COBL: variants seen among roughly 807,000 people sequenced by gnomAD.
COBL encodes the protein cordon-bleu WH2 repeat protein, also known as protein cordon-bleu.
In COBL, 51 loss-of-function variants were observed where a neutral mutation model predicts 98.8. The ratio of observed to expected loss-of-function variants is 0.52; its 90% CI spans 0.41 to 0.65. The LOEUF (loss-of-function observed/expected upper bound fraction) is 0.65, where lower values mean the gene tolerates loss of function less well. Among genes scored for constraint, COBL ranks in the 30% least tolerant of loss-of-function variants. The probability of loss-of-function intolerance (pLI) is 0.00; values close to 1 mark genes in which losing one functional copy is unlikely to be tolerated. For missense variants in COBL, 1,617 were observed against 1,617.5 expected (o/e 1.00, Z 0.01); for synonymous variants, 634 against 651.7 (o/e 0.97, Z 0.41).
At chr7:51,046,334 T>C (rs1374901995) in intron 7 of COBL, among the ~76,000 whole-genome samples, 4 of 152,102 alleles carry the variant, frequency 2.6e-5, no homozygotes, top group Non-Finnish European at 4.4e-5. Context: ...TGGGGAACTT[T>C]CCAGAGAAGC....
chr7:51,293,309 G>A (rs547336732), intron 1 of COBL, among the ~76,000 whole-genome samples: 1 of 152,240 alleles, frequency 6.6e-6, no homozygotes, highest in Admixed American at 6.5e-5. Flanking sequence ...ATAAATGAAT[G>A]TTCATAATAG....
chr7:51,160,164 T>G (rs1786645779), intron 5 of COBL, among the ~76,000 whole-genome samples: 2 of 152,296 alleles, frequency 1.3e-5, no homozygotes. Context: ...AGTGCTGGGA[T>G]TACAGGCATG....
At chr7:51,184,000 A>C (rs936352013) in intron 5 of COBL, 102 bp downstream of exon 5, 4 of 558,152 alleles carry the variant, frequency 7.2e-6, no homozygotes, top group African/African-American at 2.0e-5. Flanking sequence ...GTATTCTTAA[A>C]TAGAATTGTT....
chr7:51,123,715 T>C (rs1797945511), intron 6 of COBL, among the ~76,000 whole-genome samples: 1 of 152,228 alleles, frequency 6.6e-6, no homozygotes, highest in South Asian at 2.1e-4. Context: ...GACTTCCCTG[T>C]CAATGACGAG....
At chr7:51,085,681 C>G (rs777121259) in intron 6 of COBL, among the ~76,000 whole-genome samples, 1 of 152,298 alleles carries the variant, frequency 6.6e-6, no homozygotes, top group African/African-American at 2.4e-5. Context: ...AGAACAATTC[C>G]TTCTGGAACA....
intron 7 of COBL, among the ~76,000 whole-genome samples, chr7:51,048,929 G>C (rs1425709445): frequency 1.3e-5 from 2 of 152,130 alleles, no homozygotes; most frequent in African/African-American, 4.8e-5. Context: ...GCAGGGTTTG[G>C]CATAAATTCA....
chr7:51,170,130 C>T (rs563407827), intron 5 of COBL, among the ~76,000 whole-genome samples: 2 of 152,194 alleles, frequency 1.3e-5, no homozygotes, highest in East Asian at 1.9e-4. Flanking sequence ...TTTCCATTTG[C>T]ACACTTAGAT....
In COBL at chr7:51,017,057, T is replaced by C. The variant is rs916899986; in HGVS notation, c.*494A>G. 6.0e-5 allele frequency: 24 copies of C among 402,082 alleles called. No homozygotes were observed. Among genetic ancestry groups the C allele is most frequent in the African/African-American group, 4.5e-4 (22 of 48,638 alleles). 24.9% of individuals were successfully genotyped at this position (402,082 alleles called of 1,614,324 possible). On this transcript the variant is annotated 3_prime_UTR_variant, in exon 13 of 13. Transcript: ENST00000265136. The stretch of plus-strand genomic sequence containing the variant: ...AAGCCTCCCAATTTTTTTTTCTTAC[T>C]ACCAAAACACACAGCATCATGGAGC...
At chr7:51,136,050 C>A in intron 6 of COBL, 108 bp downstream of exon 6, 1 of 1,379,836 alleles carries the variant, frequency 7.2e-7, no homozygotes, top group South Asian at 1.5e-5. Flanking sequence ...ACACTCCAGT[C>A]GCTACAGCCA....
chr7:51,251,782 G>A (rs1036072908), intron 1 of COBL, among the ~76,000 whole-genome samples: 3 of 152,130 alleles, frequency 2.0e-5, no homozygotes, highest in African/African-American at 7.2e-5. Flanking sequence ...CTAAAAAAAT[G>A]TTGAAAGATT....
In COBL at chr7:51,294,331, A is replaced by AAAAT. The variant is rs1554464039; in HGVS notation, c.41+22258_41+22261dup. 1.2e-3 allele frequency among the ~76,000 whole-genome samples: 162 copies of AAAAT among 129,988 alleles called. 1 individual carries two copies. The highest frequency in any genetic ancestry group is 4.3e-3 in the African/African-American group (149 of 34,642). The allele number at this position is 129,988 out of a possible 152,430, so 85.3% of individuals were successfully genotyped here. A position where few individuals can be genotyped will look rare whatever the true frequency, so the allele number is the denominator to read the frequency against. On this transcript the variant is annotated intron_variant, in intron 1 of 12. Coordinates refer to ENST00000265136, the MANE Select transcript of COBL (RefSeq NM_015198.5). ...AAATAAATAAATAAATAAATAAATA[A>AAAAT]AAATAAATAAATAAATAAAAGGCAG...
chr7:51,265,684 C>G (rs1239208015), intron 1 of COBL, among the ~76,000 whole-genome samples: 1 of 152,192 alleles, frequency 6.6e-6, no homozygotes, highest in Non-Finnish European at 1.5e-5. Flanking sequence ...GGTGGGCTGG[C>G]TTCTCCGGAC....
Position 51,145,844 on chromosome 7 carries a change from C to T in COBL, c.784-9513G>A, listed in dbSNP as rs139460266. 3.1e-3 allele frequency among the ~76,000 whole-genome samples: 474 copies of T among 152,290 alleles called. 3 individuals carry two copies. Among genetic ancestry groups the T allele is most frequent in the African/African-American group, 0.011 (456 of 41,552 alleles). ...ACAGCCGTCTTTCGTGTGTGTGAAGCGGTGTCTCACTATGGTTTTGAACTG... is the reference window on the plus strand; with the variant it reads ...ACAGCCGTCTTTCGTGTGTGTGAAGTGGTGTCTCACTATGGTTTTGAACTG... On this transcript the variant is annotated intron_variant, in intron 5 of 12. Transcript: ENST00000265136.
chr7:51,155,086 A>G (rs562735641), intron 5 of COBL, among the ~76,000 whole-genome samples: 3 of 152,308 alleles, frequency 2.0e-5, no homozygotes, highest in African/African-American at 4.8e-5. Flanking sequence ...GTTTGCTTCC[A>G]ATTAACTCCA....
At chr7:51,297,512 C>T (rs1370193773) in intron 1 of COBL, among the ~76,000 whole-genome samples, 3 of 151,724 alleles carry the variant, frequency 2.0e-5, no homozygotes, top group Non-Finnish European at 4.4e-5. Flanking sequence ...CTGCCTCAGC[C>T]TCCCAAGTAG....
At chr7:51,168,340 G>A (rs763801505) in intron 5 of COBL, among the ~76,000 whole-genome samples, 1 of 152,050 alleles carries the variant, frequency 6.6e-6, no homozygotes, top group Non-Finnish European at 1.5e-5. Context: ...AGAGGCTGAG[G>A]CAGGAGAATC....
chr7:51,271,140 G>A (rs868275623), intron 1 of COBL, among the ~76,000 whole-genome samples: 10 of 152,178 alleles, frequency 6.6e-5, no homozygotes, highest in Admixed American at 3.3e-4. Context: ...GCCTCAGTGC[G>A]TGTCACCTGT....
chr7:51,294,355 A>G (rs315099), intron 1 of COBL, among the ~76,000 whole-genome samples: 147,797 of 151,124 alleles, frequency 0.98, 72,292 homozygotes, highest in East Asian at 1. Flanking sequence ...AATAAAAGGC[A>G]GGGCGCAGAG....
At chr7:51,254,180 A>G (rs1456947876) in intron 1 of COBL, among the ~76,000 whole-genome samples, 1 of 152,154 alleles carries the variant, frequency 6.6e-6, no homozygotes, top group South Asian at 2.1e-4. Context: ...TTCATTGACA[A>G]TGATTACTGC....
Sources: allele counts gnomAD v4.1 joint callset (sites outside exome capture counted in the v4.1 genomes callset), GRCh38; gene constraint gnomAD v4.1.1; transcripts MANE v1.5; gene names NCBI Gene and HGNC (gene_info 2026-07-23, HGNC 2026-07-21).